JARID2: variants seen among roughly 807,000 people sequenced by gnomAD.
JARID2 encodes protein Jumonji.
JARID2 carries 21 observed loss-of-function variants against 125.6 expected under a neutral mutation model. The ratio of observed to expected loss-of-function variants is 0.17; its 90% confidence interval spans 0.12 to 0.24. The LOEUF is 0.24. Ranked by LOEUF, JARID2 falls within the 10% of genes least tolerant of loss-of-function variation. The pLI, the probability that JARID2 is intolerant of heterozygous loss-of-function variation, is 1.00. For missense variants in JARID2, 1,303 were observed against 1,639.6 expected (o/e 0.79, Z 3.55); for synonymous variants, 736 against 661.6 (o/e 1.11, Z -1.73).
chr6:15,413,002 G>GTTTTTT (rs745910520), intron 3 of JARID2, among the ~76,000 whole-genome samples: 582 of 46,508 alleles, frequency 0.013, 110 homozygotes, highest in East Asian at 0.015. Context: ...AAGAGCTTGT[G>GTTTTTT]TTTTTGTTTT....
chr6:15,298,077 C>T (rs1425535028), intron 1 of JARID2, among the ~76,000 whole-genome samples: 1 of 152,102 alleles, frequency 6.6e-6, no homozygotes, highest in Non-Finnish European at 1.5e-5. Context: ...AACATAGTAG[C>T]CAAGACATTT....
intron 4 of JARID2, among the ~76,000 whole-genome samples, chr6:15,465,897 G>C (rs530992413): frequency 6.6e-6 from 1 of 151,822 alleles, no homozygotes; most frequent in East Asian, 1.9e-4. Flanking sequence ...TTCGCCTCCC[G>C]GGTTCAAGTG....
intron 8 of JARID2, among the ~76,000 whole-genome samples, chr6:15,502,842 C>G (rs545636086): frequency 6.6e-6 from 1 of 152,288 alleles, no homozygotes; most frequent in Non-Finnish European, 1.5e-5. Context: ...CTGGATGCAG[C>G]CTGCCAAGTG....
At chr6:15,274,039 C>T (rs181183172) in intron 1 of JARID2, among the ~76,000 whole-genome samples, 1 of 152,064 alleles carries the variant, frequency 6.6e-6, no homozygotes, top group African/African-American at 2.4e-5. Flanking sequence ...AGTGATTCTC[C>T]TGCCTCAGCC....
intron 13 of JARID2, 67 bp downstream of exon 13, chr6:15,511,468 C>T (rs1771276170): frequency 2.8e-6 from 3 of 1,057,556 alleles, no homozygotes; most frequent in South Asian, 2.5e-5. Context: ...AACATGGTTT[C>T]CCATGAACCC....
Position 15,520,239 on chromosome 6 carries a change from G to T in JARID2, c.3729G>T (p.Ser1243=), listed in dbSNP as rs756556895. 2 of 1,604,600 alleles carry T rather than the reference G, an allele frequency of 1.2e-6. No individual in the cohort carries two copies. The highest frequency in any genetic ancestry group is 8.5e-7 in the Non-Finnish European group (1 of 1,176,356). The change falls in exon 18 of 18, where the codon TCG becomes TCT. Residue 1243 remains serine (S), a synonymous_variant. Coordinates refer to ENST00000341776, the MANE Select transcript of JARID2 (RefSeq NM_004973.4). ...LSASSSSKSA[S]SSS is the part of the protein sequence containing the mutation. Reference sequence around the variant, plus strand: ...CCTCCAGTTCATCCAAAAGTGCTTCGAGCTCATCATGAAGATGCCAACGCC... The same window carrying T: ...CCTCCAGTTCATCCAAAAGTGCTTCTAGCTCATCATGAAGATGCCAACGCC...
chr6:15,289,000 G>A (rs1761104129), intron 1 of JARID2, among the ~76,000 whole-genome samples: 1 of 152,196 alleles, frequency 6.6e-6, no homozygotes, highest in Non-Finnish European at 1.5e-5. Context: ...AAGGAGCAGG[G>A]GTGGTTGTCC....
At chr6:15,413,093 C>A (rs1765976592) in intron 3 of JARID2, among the ~76,000 whole-genome samples, 1 of 142,622 alleles carries the variant, frequency 7.0e-6, no homozygotes, top group Middle Eastern at 4.2e-3. Context: ...GATCTCGGCT[C>A]ACCGCAACCT....
intron 1 of JARID2, among the ~76,000 whole-genome samples, chr6:15,275,878 C>G (rs1204865615): frequency 2.0e-5 from 3 of 151,970 alleles, no homozygotes; most frequent in Admixed American, 6.6e-5. Flanking sequence ...TACTTTTTGT[C>G]TAATGGGGTT....
intron 1 of JARID2, among the ~76,000 whole-genome samples, chr6:15,305,150 G>A (rs1761774461): frequency 6.6e-6 from 1 of 152,094 alleles, no homozygotes; most frequent in South Asian, 2.1e-4. Flanking sequence ...AGTTGTCAAA[G>A]GCCTTCCATC....
Position 15,312,450 on chromosome 6 carries a change from A to G in JARID2, c.46-61667A>G, listed in dbSNP as rs938726601. 2.0e-5 allele frequency among the ~76,000 whole-genome samples: 3 copies of G among 152,320 alleles called. No homozygotes were observed. The South Asian group carries it at 6.2e-4, about 32-fold the overall frequency. Reference sequence around the variant, plus strand: ...GTGATAACTTATGACAACTGCACACATCTGGGTATTACCATCCCATCAATA... The same window carrying G: ...GTGATAACTTATGACAACTGCACACGTCTGGGTATTACCATCCCATCAATA... On this transcript the variant is annotated intron_variant, in intron 1 of 17. Coordinates refer to ENST00000341776, the MANE Select transcript of JARID2 (RefSeq NM_004973.4).
chr6:15,512,114 G>A (rs1771308446), intron 13 of JARID2, 94 bp from the exon 14 acceptor site: 1 of 1,008,946 alleles, frequency 9.9e-7, no homozygotes, highest in Non-Finnish European at 1.5e-6. Flanking sequence ...ATCTCCTTGA[G>A]AGCAGGCCTC....
At chr6:15,489,752 G>T (rs554144348) in intron 6 of JARID2, among the ~76,000 whole-genome samples, 1 of 152,330 alleles carries the variant, frequency 6.6e-6, no homozygotes, top group Non-Finnish European at 1.5e-5. Context: ...GTTAGTGCAG[G>T]AGTTTCAGCT....
intron 1 of JARID2, among the ~76,000 whole-genome samples, chr6:15,325,520 C>T (rs533513010): frequency 1.6e-4 from 25 of 152,236 alleles, no homozygotes; most frequent in African/African-American, 5.8e-4. Context: ...TACAGAGACC[C>T]TTTCTTCATG....
At chr6:15,451,177 C>G (rs1767905178) in intron 3 of JARID2, among the ~76,000 whole-genome samples, 1 of 152,086 alleles carries the variant, frequency 6.6e-6, no homozygotes, top group Non-Finnish European at 1.5e-5. Flanking sequence ...AACACTGTTC[C>G]AAGATCTATT....
chr6:15,498,298 G>A (rs903182323), intron 7 of JARID2, among the ~76,000 whole-genome samples: 1 of 152,166 alleles, frequency 6.6e-6, no homozygotes, highest in African/African-American at 2.4e-5. Context: ...TGGGGCTGTT[G>A]GAAACTTGTC....
rs556210326 is a variant in JARID2 at position 15,473,408 on chromosome 6, G to A, written c.670+4690G>A. On this transcript the variant is annotated intron_variant, in intron 5 of 17. Coordinates refer to ENST00000341776, the MANE Select transcript of JARID2 (RefSeq NM_004973.4). ...AGAAGACATTCAGGTCTTTACGTGT[G>A]TTTCTCCTGATGAAACAGGTTTCAG... Among the ~76,000 whole-genome samples, 17 of 148,664 alleles carry A rather than the reference G, an allele frequency of 1.1e-4. No homozygotes were observed. The South Asian group carries it at 3.2e-3, about 28-fold the overall frequency.
chr6:15,332,945 T>C lies in JARID2; in HGVS notation c.46-41172T>C, dbSNP rs867007010. ...CTTTTCTTTTCTTTTCTTTTTTTTT[T>C]TTTTTTTTTTTTTGGAGACGGAGTC... On this transcript the variant is annotated intron_variant, in intron 1 of 17. Coordinates refer to ENST00000341776, the MANE Select transcript of JARID2 (RefSeq NM_004973.4). Among the ~76,000 whole-genome samples the C allele has an allele frequency of 1.4e-3, 187 of 137,484 alleles. 1 individual carries two copies. The highest frequency in any genetic ancestry group is 4.5e-3 in the African/African-American group (160 of 35,248). The allele number at this position is 137,484 out of a possible 152,430, so 90.2% of individuals were successfully genotyped here.
At chr6:15,301,321 A>G (rs1053942445) in intron 1 of JARID2, among the ~76,000 whole-genome samples, 1 of 152,178 alleles carries the variant, frequency 6.6e-6, no homozygotes, top group African/African-American at 2.4e-5. Context: ...AAGTGACACC[A>G]TATTAATCAT....
Sources: gnomAD v4.1 joint callset for allele counts (sites outside exome capture counted in the v4.1 genomes callset) on GRCh38, gnomAD v4.1.1 for gene constraint, MANE v1.5 for transcripts, NCBI Gene and HGNC (gene_info 2026-07-23, HGNC 2026-07-21) for gene names.